The following DNAAF9 variants were observed in gnomAD, a reference collection of about 807,000 sequenced individuals.
DNAAF9 encodes the protein shulin.
DNAAF9 carries 90 observed loss-of-function variants against 167.0 expected under a neutral mutation model. That is an observed-to-expected ratio of 0.54 (90% CI 0.45 to 0.64). The LOEUF is 0.64. DNAAF9 is among the 30% of genes least tolerant of loss of function. The pLI, the probability that DNAAF9 is intolerant of heterozygous loss-of-function variation, is 0.00. For synonymous variants in DNAAF9, 491 were observed against 508.8 expected (o/e 0.96, Z 0.47); for missense variants, 1,315 against 1,442.2 (o/e 0.91, Z 1.43).
chr20:3,347,402 C>CGTTG (rs2070213559), intron 8 of DNAAF9, among the ~76,000 whole-genome samples: 1 of 152,004 alleles, frequency 6.6e-6, no homozygotes. Flanking sequence ...ATATTAAAGA[C>CGTTG]CAACCTTCAA....
chr20:3,346,497 T>TG (rs1028890118), intron 8 of DNAAF9, among the ~76,000 whole-genome samples: 4 of 151,868 alleles, frequency 2.6e-5, no homozygotes, highest in African/African-American at 9.7e-5. Flanking sequence ...TGAACTGACT[T>TG]GAATATGTTT....
intron 1 of DNAAF9, among the ~76,000 whole-genome samples, chr20:3,395,623 A>G (rs150971391): frequency 4.6e-5 from 7 of 152,240 alleles, no homozygotes; most frequent in Non-Finnish European, 1.0e-4. Flanking sequence ...CAGCTTGTCA[A>G]GTTCCATAAA....
chr20:3,321,757 G>C (rs2069620260), intron 16 of DNAAF9, among the ~76,000 whole-genome samples: 1 of 151,980 alleles, frequency 6.6e-6, no homozygotes, highest in Admixed American at 6.6e-5. Flanking sequence ...TTTTTTTTTA[G>C]ACACGGGGTC....
At chr20:3,263,192 T>G (rs2068425420) in intron 31 of DNAAF9, among the ~76,000 whole-genome samples, 1 of 152,074 alleles carries the variant, frequency 6.6e-6, no homozygotes, top group Admixed American at 6.6e-5. Context: ...GCCAGGATGG[T>G]CTCGATCTTC....
chr20:3,339,470 G>A (rs1315887483), intron 10 of DNAAF9, among the ~76,000 whole-genome samples: 1 of 152,152 alleles, frequency 6.6e-6, no homozygotes, highest in African/African-American at 2.4e-5. Context: ...TTCTGAAGCT[G>A]TAGGTGCCAG....
At chr20:3,393,397 AGCT>A (rs2083854601) in intron 1 of DNAAF9, among the ~76,000 whole-genome samples, 2 of 152,242 alleles carry the variant, frequency 1.3e-5, no homozygotes, top group Middle Eastern at 3.4e-3. Context: ...CTATGGTCCC[AGCT>A]ACTCAGGAGG....
intron 31 of DNAAF9, among the ~76,000 whole-genome samples, chr20:3,263,667 CTCACAACAG>C (rs1202686220): frequency 6.6e-6 from 1 of 152,216 alleles, no homozygotes; most frequent in Non-Finnish European, 1.5e-5. Flanking sequence ...AAACAAAGCT[CTCACAACAG>C]CACTGTTCAA....
chr20:3,352,550 T>A (rs2070345374), intron 7 of DNAAF9, among the ~76,000 whole-genome samples: 1 of 152,172 alleles, frequency 6.6e-6, no homozygotes, highest in Non-Finnish European at 1.5e-5. Flanking sequence ...ACGTTTCAAT[T>A]CAGAAAAACC....
At chr20:3,361,682 T>TTA (rs1330772002) in intron 6 of DNAAF9, among the ~76,000 whole-genome samples, 1 of 152,258 alleles carries the variant, frequency 6.6e-6, no homozygotes, top group Non-Finnish European at 1.5e-5. Context: ...GGATGATTTG[T>TTA]TATAGCACAA....
intron 9 of DNAAF9, among the ~76,000 whole-genome samples, chr20:3,341,100 T>C (rs2070076218): frequency 6.6e-6 from 1 of 152,060 alleles, no homozygotes; most frequent in Admixed American, 6.6e-5. Flanking sequence ...GCAAATTTTC[T>C]CAATACCACA....
At chr20:3,308,102 T>C (rs944201726) in intron 20 of DNAAF9, among the ~76,000 whole-genome samples, 3 of 152,038 alleles carry the variant, frequency 2.0e-5, no homozygotes, top group Admixed American at 2.0e-4. Context: ...ATGAGAGCCC[T>C]TCTCTTCCAC....
At chr20:3,258,537 C>T (rs1266858461) in intron 33 of DNAAF9, among the ~76,000 whole-genome samples, 5 of 152,192 alleles carry the variant, frequency 3.3e-5, no homozygotes, top group South Asian at 2.1e-4. Flanking sequence ...TTGGGGGAGG[C>T]GCTGCACTGA....
intron 1 of DNAAF9, among the ~76,000 whole-genome samples, chr20:3,385,607 T>A (rs1270065132): frequency 6.6e-6 from 1 of 152,134 alleles, no homozygotes; most frequent in African/African-American, 2.4e-5. Context: ...AAAAAAAATT[T>A]TGGAGAGACA....
intron 10 of DNAAF9, among the ~76,000 whole-genome samples, chr20:3,336,628 C>A (rs1384763927): frequency 6.6e-6 from 1 of 152,102 alleles, no homozygotes; most frequent in African/African-American, 2.4e-5. Context: ...TGGCTCACTG[C>A]AGCCTCTGCC....
chr20:3,405,403 A>C (rs563303130), intron 1 of DNAAF9, among the ~76,000 whole-genome samples: 3 of 152,314 alleles, frequency 2.0e-5, no homozygotes, highest in Admixed American at 6.5e-5. Context: ...GTGACAGGAA[A>C]GTGCTAGTAA....
At chr20:3,281,014 T>C (rs142758933) in intron 28 of DNAAF9, among the ~76,000 whole-genome samples, 1 of 152,226 alleles carries the variant, frequency 6.6e-6, no homozygotes, top group African/African-American at 2.4e-5. Flanking sequence ...TTCAGTCCTT[T>C]TACGCCTTAT....
In DNAAF9 at chr20:3,374,062, TA is replaced by T; in HGVS notation, c.597del (p.Phe199LeufsTer3). The T allele has an allele frequency of 6.2e-7, 1 of 1,609,462 alleles. No homozygotes were observed. Among genetic ancestry groups the T allele is most frequent in the Non-Finnish European group, 8.5e-7 (1 of 1,175,782 alleles). On this transcript the variant is annotated frameshift_variant, in exon 6 of 37. Transcript: ENST00000252032. LOFTEE classifies it high-confidence loss of function. ...TTCATACATACCTCATATTTCATGG[TA>T]AAAAATCCATCCCCTCCAATGCCCT... ...ALEGIGGDGFFTMKYELQDVS... is the reference protein window; with the variant it reads ...ALEGIGGDGFXTMKYELQDVS...
intron 12 of DNAAF9, among the ~76,000 whole-genome samples, chr20:3,327,669 C>A (rs2069736692): frequency 6.6e-6 from 1 of 152,132 alleles, no homozygotes; most frequent in Non-Finnish European, 1.5e-5. Context: ...ATAGAAGAAG[C>A]AATAAGGGCC....
intron 21 of DNAAF9, among the ~76,000 whole-genome samples, chr20:3,302,473 T>C (rs2069207593): frequency 6.6e-6 from 1 of 152,182 alleles, no homozygotes; most frequent in Admixed American, 6.5e-5. Context: ...TAGAATTTAC[T>C]CATCCTTTCT....
Sources: allele counts gnomAD v4.1 joint callset (sites outside exome capture counted in the v4.1 genomes callset), GRCh38; gene constraint gnomAD v4.1.1; transcripts MANE v1.5; gene names NCBI Gene and HGNC (gene_info 2026-07-23, HGNC 2026-07-21).